The following PPP1R13B variants were observed in gnomAD, a reference collection of about 807,000 sequenced individuals.
PPP1R13B encodes the protein protein phosphatase 1 regulatory subunit 13B, also known as apoptosis-stimulating of p53 protein 1.
PPP1R13B carries 44 observed loss-of-function variants against 119.8 expected under a neutral mutation model. The observed-to-expected ratio is 0.37, with a 90% confidence interval of 0.29 to 0.47. PPP1R13B has a LOEUF of 0.47. Among genes scored for constraint, PPP1R13B ranks in the 20% least tolerant of loss-of-function variants. PPP1R13B has a pLI of 0.99. For synonymous variants in PPP1R13B, 542 were observed against 561.5 expected, an observed-to-expected ratio of 0.97 and a Z score of 0.49; for missense variants, 1,227 against 1,413.5, an observed-to-expected ratio of 0.87 and a Z score of 2.12.
intron 1 of PPP1R13B, among the ~76,000 whole-genome samples, chr14:103,802,198 T>C (rs1004035527): frequency 3.9e-5 from 6 of 152,054 alleles, no homozygotes; most frequent in Non-Finnish European, 7.4e-5. Flanking sequence ...GATCTAGTAA[T>C]ATCGGGAGGC....
In PPP1R13B at chr14:103,784,873, G is replaced by A. The variant is rs2085420862; in HGVS notation, c.199C>T (p.Gln67Ter). The A allele has an allele frequency of 6.2e-7, 1 of 1,608,390 alleles. No individual in the cohort carries two copies. The highest frequency in any genetic ancestry group is 1.7e-5 in the Admixed American group (1 of 59,932). The change falls in exon 3 of 17, where the codon CAG becomes TAG. Residue 67 changes from glutamine (Q) to a stop codon, truncating the protein, a stop_gained. Transcript: ENST00000202556. LOFTEE classifies it high-confidence loss of function. Reference protein sequence around the residue: ...PFDHMMYEHLQKWGPRREEVK... With the variant: ...PFDHMMYEHL ...TCTTCCCTCCGTGGACCCCATTTCT[G>A]AAGATGTTCGTACATCATATGATCA...
At chr14:103,846,765 CA>C (rs1284517234) in intron 1 of PPP1R13B, 3 of 456,586 alleles carry the variant, frequency 6.6e-6, no homozygotes, top group African/African-American at 6.0e-5. Flanking sequence ...CCAGTTAAAG[CA>C]AAACGAACCA....
At chr14:103,761,190 C>T (rs2084795031) in intron 4 of PPP1R13B, among the ~76,000 whole-genome samples, 1 of 148,950 alleles carries the variant, frequency 6.7e-6, no homozygotes, top group Non-Finnish European at 1.5e-5. Context: ...GGAAGGAACG[C>T]TTGAGCCTGG....
chr14:103,811,356 A>C (rs1169521876), intron 1 of PPP1R13B, among the ~76,000 whole-genome samples: 1 of 152,134 alleles, frequency 6.6e-6, no homozygotes, highest in African/African-American at 2.4e-5. Flanking sequence ...AAATATCTGC[A>C]AAGTACATAT....
chr14:103,822,730 T>C (rs2086440705), intron 1 of PPP1R13B, among the ~76,000 whole-genome samples: 1 of 151,698 alleles, frequency 6.6e-6, no homozygotes, highest in African/African-American at 2.4e-5. Context: ...AAAGAATCAC[T>C]TGAACCTGGG....
At chr14:103,735,262 A>C (rs2084070878) in intron 16 of PPP1R13B, 67 bp from the exon 17 acceptor site, 1 of 1,523,754 alleles carries the variant, frequency 6.6e-7, no homozygotes, top group Non-Finnish European at 9.1e-7. Context: ...GCCAGACCCG[A>C]CCCCTGCTCC....
intron 2 of PPP1R13B, among the ~76,000 whole-genome samples, chr14:103,787,315 G>T (rs1018242764): frequency 6.6e-6 from 1 of 151,846 alleles, no homozygotes; most frequent in African/African-American, 2.4e-5. Context: ...CGGGCATGGT[G>T]GCGCATGCCT....
chr14:103,776,290 T>C (rs573831654), intron 4 of PPP1R13B, among the ~76,000 whole-genome samples: 26 of 152,124 alleles, frequency 1.7e-4, no homozygotes, highest in Non-Finnish European at 3.2e-4. Flanking sequence ...GGTCCAGAGA[T>C]ACTGTTTAAA....
chr14:103,822,000 G>A (rs1316337382), intron 1 of PPP1R13B, among the ~76,000 whole-genome samples: 1 of 152,152 alleles, frequency 6.6e-6, no homozygotes, highest in East Asian at 1.9e-4. Context: ...TAACAGGACA[G>A]AGTGCTAGGA....
intron 4 of PPP1R13B, among the ~76,000 whole-genome samples, chr14:103,764,964 G>A (rs1410816974): frequency 3.3e-5 from 5 of 152,054 alleles, no homozygotes; most frequent in African/African-American, 9.7e-5. Context: ...GACTACAGAC[G>A]CCCGCCACCA....
chr14:103,736,260 C>CTCTAA, intron 15 of PPP1R13B, 58 bp from the exon 16 acceptor site: 1 of 1,559,036 alleles, frequency 6.4e-7, no homozygotes. Context: ...GCAAGGGACC[C>CTCTAA]TGCTCGAGGA....
chr14:103,737,872 C>G lies in PPP1R13B; in HGVS notation c.2865-12G>C. 4 of 1,610,606 alleles carry G rather than the reference C, an allele frequency of 2.5e-6. No individual in the cohort carries two copies. The highest frequency in any genetic ancestry group is 3.4e-6 in the Non-Finnish European group (4 of 1,178,434). ...AGTGCAGCGGCGTCCTGGAATAGAG[C>G]GTGGGTGAAGGTGCAGGCCTGGCAC... On this transcript the variant is annotated splice_polypyrimidine_tract_variant and intron_variant, in intron 14 of 16. Coordinates refer to ENST00000202556, the MANE Select transcript of PPP1R13B (RefSeq NM_015316.3).
chr14:103,837,879 G>A (rs1171200785), intron 1 of PPP1R13B, among the ~76,000 whole-genome samples: 1 of 152,102 alleles, frequency 6.6e-6, no homozygotes, highest in Non-Finnish European at 1.5e-5. Context: ...AGCACTTTGG[G>A]AGGCCAAGGC....
At chr14:103,809,958 C>G (rs2086109520) in intron 1 of PPP1R13B, among the ~76,000 whole-genome samples, 1 of 151,440 alleles carries the variant, frequency 6.6e-6, no homozygotes. Context: ...TCCCTAGTAG[C>G]TGGGACTAGA....
intron 4 of PPP1R13B, among the ~76,000 whole-genome samples, chr14:103,776,601 G>A (rs1326986271): frequency 2.0e-5 from 3 of 152,136 alleles, no homozygotes; most frequent in African/African-American, 7.2e-5. Flanking sequence ...GGCTGGGCGC[G>A]ATGGCTCACG....
chr14:103,841,314 G>A (rs374946667), intron 1 of PPP1R13B, among the ~76,000 whole-genome samples: 4 of 151,986 alleles, frequency 2.6e-5, no homozygotes, highest in Non-Finnish European at 4.4e-5. Context: ...TAGGCTGGGC[G>A]CGGTGGCTCA....
At position 103,739,688 on chromosome 14, in the gene PPP1R13B, TC is replaced by T. The variant is rs2151963204; in HGVS notation, c.2592+135del. On this transcript the variant is annotated intron_variant, in intron 12 of 16. Coordinates refer to ENST00000202556, the MANE Select transcript of PPP1R13B (RefSeq NM_015316.3). ...CATTTGTCTGTGTGACTGTCCGTCC[TC>T]CCTACAAGACGTAACTCAGGGACAT... 3 of 1,084,900 alleles carry T rather than the reference TC, an allele frequency of 2.8e-6. No homozygotes were observed. The East Asian group carries it at 7.8e-5, about 28-fold the overall frequency. The allele number at this position is 1,084,900 out of a possible 1,614,324, so 67.2% of individuals were successfully genotyped here.
At position 103,817,915 on chromosome 14, in the gene PPP1R13B, T is replaced by TA. The variant is rs946664654; in HGVS notation, c.10-20398dup. 6.7e-3 allele frequency among the ~76,000 whole-genome samples: 976 copies of TA among 145,262 alleles called. 7 individuals carry two copies. The highest frequency in any genetic ancestry group is 0.021 in the African/African-American group (833 of 39,974). On this transcript the variant is annotated intron_variant, in intron 1 of 16. Transcript: ENST00000202556. ...AAACAGTGCTAAAGTTTATGAACAT[T>TA]AAAAAAAAAAACCCAACTATTCAAG...
intron 1 of PPP1R13B, among the ~76,000 whole-genome samples, chr14:103,813,552 T>C (rs8005594): frequency 0.45 from 67,726 of 152,040 alleles, 15,594 homozygotes; most frequent in African/African-American, 0.56. Context: ...CCTGCTGGCA[T>C]TCGTTCTCTC....
Sources: gnomAD v4.1 joint callset for allele counts (sites outside exome capture counted in the v4.1 genomes callset) on GRCh38, gnomAD v4.1.1 for gene constraint, MANE v1.5 for transcripts, NCBI Gene and HGNC (gene_info 2026-07-23, HGNC 2026-07-21) for gene names.